Variants in CATSPERE observed in about 807,000 individuals in gnomAD.
CATSPERE encodes the protein cation channel sperm-associated auxiliary subunit epsilon.
Under a neutral mutation model 114.1 loss-of-function variants are expected in CATSPERE, and 93 were observed. That is an observed-to-expected ratio of 0.81 (90% CI 0.69 to 0.97). CATSPERE has a LOEUF of 0.97. Among genes scored for constraint, CATSPERE ranks in the 50% least tolerant of loss-of-function variants. The pLI is 0.00. For missense variants in CATSPERE, 1,058 were observed against 1,131.6 expected (o/e 0.93, Z 0.93); for synonymous variants, 341 against 384.1 (o/e 0.89, Z 1.31).
At chr1:244,624,233 C>T (rs1005112186) in intron 20 of CATSPERE, among the ~76,000 whole-genome samples, 3 of 150,994 alleles carry the variant, frequency 2.0e-5, no homozygotes, top group Non-Finnish European at 4.4e-5. Context: ...GGCCTCCCAA[C>T]GTGCTGGGAT....
chr1:244,461,299 C>A lies in CATSPERE; in HGVS notation c.-131C>A. ...CACTTCTCCCTCGCTGGTCTTCAGG[C>A]CCGGCCCGCCCTGTCCAGAGGCGCC... On this transcript the variant is annotated 5_prime_UTR_variant, in exon 1 of 22. Transcript: ENST00000366534. 1 of 740,376 alleles carries A rather than the reference C, an allele frequency of 1.4e-6. No homozygotes were observed. The highest frequency in any genetic ancestry group is 1.9e-6 in the Non-Finnish European group (1 of 536,044). The allele number at this position is 740,376 out of a possible 1,614,324, so 45.9% of individuals were successfully genotyped here.
intron 5 of CATSPERE, among the ~76,000 whole-genome samples, chr1:244,480,576 G>A (rs926750432): frequency 7.3e-5 from 5 of 68,078 alleles, no homozygotes; most frequent in Non-Finnish European, 1.3e-4. Flanking sequence ...TTGAGGATTG[G>A]CACATACACG....
chr1:244,610,754 C>CTTTT lies in CATSPERE; in HGVS notation c.2490+441_2490+444dup, dbSNP rs56253016. Among the ~76,000 whole-genome samples, 436 of 136,388 alleles carry CTTTT rather than the reference C, an allele frequency of 3.2e-3. 7 individuals carry two copies. Among genetic ancestry groups the CTTTT allele is most frequent in the African/African-American group, 0.012 (415 of 35,964 alleles). The allele number at this position is 136,388 out of a possible 152,430, so 89.5% of individuals were successfully genotyped here. On this transcript the variant is annotated intron_variant, in intron 19 of 21. Coordinates refer to ENST00000366534, the MANE Select transcript of CATSPERE (RefSeq NM_001130957.2). Reference sequence around the variant, plus strand: ...CGCATATTTCTCCCTATTTTCTTTCCTTTTTTTTTTTTTTTTGAGACAGAG... The same window carrying CTTTT: ...CGCATATTTCTCCCTATTTTCTTTCCTTTTTTTTTTTTTTTTTTTTGAGACAGAG...
intron 8 of CATSPERE, among the ~76,000 whole-genome samples, chr1:244,545,179 C>A (rs1016388347): frequency 3.3e-5 from 5 of 152,152 alleles, no homozygotes; most frequent in Non-Finnish European, 5.9e-5. Flanking sequence ...AAATATGGGG[C>A]CTTCTACCTC....
rs771736744 is a variant in CATSPERE at position 244,595,289 on chromosome 1, T to C, written c.2303+1711T>C. On this transcript the variant is annotated intron_variant, in intron 17 of 21. Coordinates refer to ENST00000366534, the MANE Select transcript of CATSPERE (RefSeq NM_001130957.2). ...AATGGAGCAGTGTGGGTGGATAGTA[T>C]TGAAACTCAAAAGATTCCAACCCAG... Among the ~76,000 whole-genome samples the C allele has an allele frequency of 5.3e-5, 8 of 152,274 alleles. No individual in the cohort carries two copies. The South Asian group carries it at 8.3e-4, about 16-fold the overall frequency.
At chr1:244,543,091 A>C (rs1046370300) in intron 8 of CATSPERE, among the ~76,000 whole-genome samples, 1 of 152,178 alleles carries the variant, frequency 6.6e-6, no homozygotes, top group Non-Finnish European at 1.5e-5. Flanking sequence ...ATTACCAGCA[A>C]TCCACTACAG....
intron 1 of CATSPERE, among the ~76,000 whole-genome samples, chr1:244,462,528 A>G (rs1194555033): frequency 6.6e-6 from 1 of 152,200 alleles, no homozygotes; most frequent in African/African-American, 2.4e-5. Flanking sequence ...TTATTAAATT[A>G]CATAATTTAA....
intron 5 of CATSPERE, among the ~76,000 whole-genome samples, chr1:244,490,175 C>T (rs895921115): frequency 4.6e-5 from 7 of 152,046 alleles, no homozygotes; most frequent in East Asian, 1.9e-4. Flanking sequence ...TTAATCTTAG[C>T]GTGAGCGGTT....
At chr1:244,524,726 C>A (rs866618891) in intron 8 of CATSPERE, among the ~76,000 whole-genome samples, 11,160 of 138,530 alleles carry the variant, frequency 0.081, 977 homozygotes, top group African/African-American at 0.21. Context: ...CAGCCAAAAA[C>A]CACATGAAAA....
At chr1:244,615,730 G>A (rs1376632033) in intron 19 of CATSPERE, among the ~76,000 whole-genome samples, 1 of 152,054 alleles carries the variant, frequency 6.6e-6, no homozygotes, top group East Asian at 1.9e-4. Flanking sequence ...TAGTATGTAG[G>A]ATATGTCTGT....
chr1:244,572,559 A>G lies in CATSPERE; in HGVS notation c.1737A>G (p.Thr579=), dbSNP rs1256915243. ...AAGCACAAAGTATAGCTTTCACAAC[A>G]AAAGACAAATGCCCATACATGGCAT... The part of the protein sequence containing the change: ...HLEAQSIAFT[T]KDKCPYMAFH... Residue 579 remains threonine (T), a synonymous_variant, in exon 11 of 22, where the codon ACA becomes ACG. Coordinates refer to ENST00000366534, the MANE Select transcript of CATSPERE (RefSeq NM_001130957.2). The G allele has an allele frequency of 1.2e-6, 2 of 1,614,032 alleles. No homozygotes were observed. The highest frequency in any genetic ancestry group is 2.7e-5 in the African/African-American group (2 of 74,942).
intron 20 of CATSPERE, among the ~76,000 whole-genome samples, chr1:244,625,408 AT>A (rs1558618830): frequency 0.075 from 696 of 9,328 alleles, 220 homozygotes; most frequent in East Asian, 0.15. Flanking sequence ...ATTATTATTT[AT>A]ATATATATAT....
chr1:244,451,464 C>T (rs1665596412), upstream of CATSPERE, among the ~76,000 whole-genome samples: 1 of 152,216 alleles, frequency 6.6e-6, no homozygotes, highest in South Asian at 2.1e-4. The surrounding 1 kb of genome is among the most constrained non-coding windows in gnomAD (Gnocchi z 6.6). Flanking sequence ...GGTCCCCGAC[C>T]TCCCGCCATT....
chr1:244,464,497 ATGTATCTG>A (rs2148075353), intron 2 of CATSPERE, among the ~76,000 whole-genome samples: 1 of 152,164 alleles, frequency 6.6e-6, no homozygotes, highest in East Asian at 1.9e-4. Flanking sequence ...AGGTCCTTTT[ATGTATCTG>A]TGTATCTGTG....
chr1:244,561,697 G>T (rs1331294852), intron 10 of CATSPERE, among the ~76,000 whole-genome samples: 1 of 142,466 alleles, frequency 7.0e-6, no homozygotes, highest in South Asian at 2.2e-4. Flanking sequence ...ATACATTGGG[G>T]ATAGATTTTA....
chr1:244,598,555 C>T, intron 17 of CATSPERE: 1 of 249,390 alleles, frequency 4.0e-6, no homozygotes, highest in Non-Finnish European at 8.3e-6. Context: ...AAGAATCCAG[C>T]CACCTCACCT....
chr1:244,484,133 G>C (rs1314985022), intron 5 of CATSPERE, among the ~76,000 whole-genome samples: 1 of 152,044 alleles, frequency 6.6e-6, no homozygotes, highest in Non-Finnish European at 1.5e-5. Flanking sequence ...TGGGCTGGCT[G>C]TTCTGTTCAG....
intron 8 of CATSPERE, among the ~76,000 whole-genome samples, chr1:244,528,118 C>A (rs935360961): frequency 6.6e-6 from 1 of 152,218 alleles, no homozygotes; most frequent in African/African-American, 2.4e-5. Context: ...CCCATTCCCC[C>A]CAACCAGCAG....
chr1:244,560,674 G>A lies in CATSPERE; in HGVS notation c.1036G>A (p.Gly346Arg), dbSNP rs1370182978. Residue 346 changes from glycine (G) to arginine (R), a missense_variant, in exon 10 of 22, where the codon GGA becomes AGA. By Grantham distance (125) the Gly-to-Arg change is moderately radical. This residue lies in a region of CATSPERE where 787 missense variants were observed against 905.6 expected (regional missense o/e 0.87). Transcript: ENST00000366534. Reference protein sequence around the residue: ...CWVNYLLKAKGRRSTFAVWTE... With the variant: ...CWVNYLLKAKRRRSTFAVWTE... ...ATTTTTCATTTTGTCACAGGCTAAA[G>A]GAAGAAGAAGCACCTTTGCAGTCTG... is the stretch of plus-strand genomic sequence containing the variant. 7 of 1,575,518 alleles carry A rather than the reference G, an allele frequency of 4.4e-6. No individual in the cohort carries two copies. The African/African-American group carries it at 9.5e-5, about 21-fold the overall frequency.
Sources: gnomAD v4.1 joint callset for allele counts (sites outside exome capture counted in the v4.1 genomes callset) on GRCh38, gnomAD v4.1.1 for gene constraint, gnomAD v4.1.1 regional missense constraint, Gnocchi (gnomAD v3.1) non-coding constraint, MANE v1.5 for transcripts, NCBI Gene and HGNC (gene_info 2026-07-23, HGNC 2026-07-21) for gene names.